PLAG1: variants seen among roughly 807,000 people sequenced by gnomAD.
The protein encoded by PLAG1 is zinc finger protein PLAG1.
In PLAG1, 7 loss-of-function variants were observed where a neutral mutation model predicts 35.5. That is an observed-to-expected ratio of 0.20 (90% confidence interval 0.11 to 0.37). PLAG1 has a LOEUF of 0.37. Among genes scored for constraint, PLAG1 ranks in the 10% least tolerant of loss-of-function variants. The pLI is 1.00. For synonymous variants in PLAG1, 229 were observed against 225.4 expected, an observed-to-expected ratio of 1.02 and a Z score of -0.14; for missense variants, 454 against 602.8, an observed-to-expected ratio of 0.75 and a Z score of 2.58.
In PLAG1 at chr8:56,175,479, T is replaced by C. The variant is rs529550939; in HGVS notation, c.-217+3930A>G. On this transcript the variant is annotated intron_variant, in intron 2 of 4. Transcript: ENST00000316981. ...TGAGTTTACAGCAGGTCCCCAAAAA[T>C]GCATTTTATAACTGGATTGTGGAAA... Among the ~76,000 whole-genome samples the C allele has an allele frequency of 8.5e-5, 13 of 152,296 alleles. No individual in the cohort carries two copies. In the South Asian group the frequency reaches 2.7e-3, roughly 32 times the overall value.
chr8:56,180,371 G>A (rs1811829468), intron 1 of PLAG1, among the ~76,000 whole-genome samples: 1 of 152,230 alleles, frequency 6.6e-6, no homozygotes, highest in Non-Finnish European at 1.5e-5. Flanking sequence ...CTGAGTTACT[G>A]TGGGTATAGA....
In PLAG1 at chr8:56,165,622, G is replaced by T. The variant is rs193197511; in HGVS notation, c.*621C>A. The stretch of plus-strand genomic sequence containing the variant: ...TAAATACTGATGCTTTGTGTTTAGG[G>T]TTTGTTTTCCTTAAAGGCTCATAAT... On this transcript the variant is annotated 3_prime_UTR_variant, in exon 5 of 5. Coordinates refer to ENST00000316981, the MANE Select transcript of PLAG1 (RefSeq NM_002655.3). The T allele has an allele frequency of 5.5e-5, 11 of 201,688 alleles. No homozygotes were observed. In the East Asian group the frequency reaches 6.9e-4, roughly 13 times the overall value. The allele number at this position is 201,688 out of a possible 1,614,324, so 12.5% of individuals were successfully genotyped here.
Position 56,167,241 on chromosome 8 carries a change from G to A in PLAG1, c.505C>T (p.Leu169Phe). Reference sequence around the variant, plus strand: ...GACGACTTGCCTGCATGAGATTTAAGGTGCTCCAGAAGCACTCCCGTGCTT... The same window carrying A: ...GACGACTTGCCTGCATGAGATTTAAAGTGCTCCAGAAGCACTCCCGTGCTT... ...FESTGVLLEHLKSHAGKSSGG... is the reference protein window; with the variant it reads ...FESTGVLLEHFKSHAGKSSGG... The change falls in exon 5 of 5, where the codon CTT becomes TTT. Residue 169 changes from leucine (L) to phenylalanine (F), a missense_variant. Leu to Phe is a conservative substitution (Grantham distance 22). Around this residue, in one of 4 missense-constraint regions of PLAG1, gnomAD observed 170 missense variants for 226.3 expected, o/e 0.75. Transcript: ENST00000316981. The surrounding 1 kb of genome is among the most constrained non-coding windows in gnomAD (Gnocchi z 5.9). The A allele has an allele frequency of 1.2e-6, 2 of 1,614,076 alleles. No individual in the cohort carries two copies. The highest frequency in any genetic ancestry group is 1.7e-6 in the Non-Finnish European group (2 of 1,180,016).
At chr8:56,181,651 C>G (rs1487577301) in intron 1 of PLAG1, among the ~76,000 whole-genome samples, 1 of 152,072 alleles carries the variant, frequency 6.6e-6, no homozygotes, top group East Asian at 1.9e-4. Flanking sequence ...AACAAACCAC[C>G]ATAGCACGTG....
At chr8:56,180,980 T>A (rs1210520870) in intron 1 of PLAG1, among the ~76,000 whole-genome samples, 1 of 152,198 alleles carries the variant, frequency 6.6e-6, no homozygotes, top group African/African-American at 2.4e-5. Flanking sequence ...TCATCATCAC[T>A]GGTCATTAGA....
At chr8:56,193,649 T>C (rs1812254466) in intron 1 of PLAG1, among the ~76,000 whole-genome samples, 1 of 151,778 alleles carries the variant, frequency 6.6e-6, no homozygotes, top group Non-Finnish European at 1.5e-5. Flanking sequence ...GATGTACAAG[T>C]GACACAGTAA....
rs1811270403 is a variant in PLAG1 at position 56,163,626 on chromosome 8, G to C, written c.*2617C>G. 5.1e-6 allele frequency: 1 copy of C among 194,606 alleles called. No individual in the cohort carries two copies. Among genetic ancestry groups the C allele is most frequent in the Non-Finnish European group, 1.1e-5 (1 of 93,328 alleles). The allele number at this position is 194,606 out of a possible 1,614,324, so 12.1% of individuals were successfully genotyped here. ...TGGTGCCCTGAAGATGTGCCTCCAT[G>C]TATTTGAATTTCATGCAGGGCAAGA... On this transcript the variant is annotated 3_prime_UTR_variant, in exon 5 of 5. Coordinates refer to ENST00000316981, the MANE Select transcript of PLAG1 (RefSeq NM_002655.3).
At chr8:56,169,445 A>AAACAT (rs1811452021) in intron 3 of PLAG1, among the ~76,000 whole-genome samples, 1 of 152,248 alleles carries the variant, frequency 6.6e-6, no homozygotes, top group South Asian at 2.1e-4. Context: ...TTCATCGACA[A>AAACAT]AACATAGTAA....
At chr8:56,184,530 G>A (rs1296838761) in intron 1 of PLAG1, among the ~76,000 whole-genome samples, 1 of 152,204 alleles carries the variant, frequency 6.6e-6, no homozygotes, top group Non-Finnish European at 1.5e-5. Context: ...ACTTGTTCAT[G>A]ACTATTCATA....
At chr8:56,208,865 A>T (rs1812772947) in intron 1 of PLAG1, among the ~76,000 whole-genome samples, 1 of 152,238 alleles carries the variant, frequency 6.6e-6, no homozygotes, top group Non-Finnish European at 1.5e-5. Context: ...AGAAAATGAA[A>T]ACTCACAGGG....
chr8:56,193,910 G>C (rs373082113), intron 1 of PLAG1, among the ~76,000 whole-genome samples: 5 of 151,890 alleles, frequency 3.3e-5, no homozygotes, highest in East Asian at 3.9e-4. Flanking sequence ...AGTAGAGATG[G>C]GGTTTCACCA....
At chr8:56,197,295 T>G (rs1281306520) in intron 1 of PLAG1, among the ~76,000 whole-genome samples, 1 of 152,144 alleles carries the variant, frequency 6.6e-6, no homozygotes, top group Non-Finnish European at 1.5e-5. Context: ...TCCGCTCACA[T>G]CCTGGCGTGA....
In PLAG1 at chr8:56,164,233, T is replaced by TA. The variant is rs1025349711; in HGVS notation, c.*2009dup. The stretch of plus-strand genomic sequence containing the variant: ...GTATAAAAACTACTGCTCCAAGGAT[T>TA]AAAAAAATATAGGAGCATGATAAAA... On this transcript the variant is annotated 3_prime_UTR_variant, in exon 5 of 5. Coordinates refer to ENST00000316981, the MANE Select transcript of PLAG1 (RefSeq NM_002655.3). 14 of 203,434 alleles carry TA rather than the reference T, an allele frequency of 6.9e-5. No homozygotes were observed. The highest frequency in any genetic ancestry group is 1.2e-4 in the Non-Finnish European group (12 of 99,124). 12.6% of individuals were successfully genotyped at this position (203,434 alleles called of 1,614,324 possible).
At chr8:56,181,108 C>T (rs1300784651) in intron 1 of PLAG1, among the ~76,000 whole-genome samples, 1 of 152,200 alleles carries the variant, frequency 6.6e-6, no homozygotes, top group Non-Finnish European at 1.5e-5. Context: ...AATGCTTTTA[C>T]ACTGTTGGTG....
intron 1 of PLAG1, among the ~76,000 whole-genome samples, chr8:56,210,237 G>A (rs1262965279): frequency 6.6e-6 from 1 of 152,200 alleles, no homozygotes; most frequent in African/African-American, 2.4e-5. Context: ...TACCTTTAGC[G>A]AGAAAAGGGG....
intron 1 of PLAG1, among the ~76,000 whole-genome samples, chr8:56,182,124 T>C (rs572624099): frequency 1.3e-5 from 2 of 152,182 alleles, no homozygotes; most frequent in African/African-American, 4.8e-5. Flanking sequence ...CATTATGAGA[T>C]GGATTGAAAG....
At chr8:56,202,140 G>A (rs58402179) in intron 1 of PLAG1, among the ~76,000 whole-genome samples, 9,722 of 152,112 alleles carry the variant, frequency 0.064, 1,030 homozygotes, top group African/African-American at 0.22. Flanking sequence ...TGATGGATGA[G>A]ATAAAGTTAC....
intron 1 of PLAG1, among the ~76,000 whole-genome samples, chr8:56,187,049 T>C (rs1156774930): frequency 1.3e-5 from 2 of 152,180 alleles, no homozygotes; most frequent in African/African-American, 2.4e-5. Context: ...ACTTAAGCCT[T>C]TGCAGTGTTT....
chr8:56,200,234 T>G (rs558636647), intron 1 of PLAG1, among the ~76,000 whole-genome samples: 1 of 152,344 alleles, frequency 6.6e-6, no homozygotes, highest in African/African-American at 2.4e-5. Context: ...ACTTCTTCTA[T>G]GTGTCCATTT....
Sources: allele counts gnomAD v4.1 joint callset (sites outside exome capture counted in the v4.1 genomes callset), GRCh38; gene constraint gnomAD v4.1.1; regional missense constraint gnomAD v4.1.1; non-coding constraint Gnocchi (gnomAD v3.1); transcripts MANE v1.5; gene names NCBI Gene and HGNC (gene_info 2026-07-23, HGNC 2026-07-21).